Variants in SLBP observed in about 807,000 individuals in gnomAD.
SLBP encodes stem-loop histone mRNA binding protein, also known as histone RNA hairpin-binding protein.
A neutral mutation model predicts 39.2 loss-of-function variants in SLBP; 29 were observed. The observed-to-expected ratio is 0.74, with a 90% CI of 0.55 to 1.01. SLBP has a LOEUF of 1.01. Ranked by LOEUF, SLBP falls within the 50% of genes least tolerant of loss-of-function variation. The pLI is 0.00. For synonymous variants in SLBP, 129 were observed against 118.7 expected (o/e 1.09, Z -0.57); for missense variants, 390 against 350.2 (o/e 1.11, Z -0.91).
Position 1,712,304 on chromosome 4 carries a change from G to A in SLBP, c.-116C>T, listed in dbSNP as rs1048233986. 1.3e-5 allele frequency: 8 copies of A among 600,506 alleles called. No individual in the cohort carries two copies. Among genetic ancestry groups the A allele is most frequent in the African/African-American group, 6.0e-5 (3 of 50,184 alleles). The allele number at this position is 600,506 out of a possible 1,614,324, so 37.2% of individuals were successfully genotyped here. A position where few individuals can be genotyped will look rare whatever the true frequency, so the allele number is the denominator to read the frequency against. ...AGGCAGAAACCCGCGTCCCCGCGCCGGCGCTCACGAGCTCTGCGCGCCCCG... is the reference window on the plus strand; with the variant it reads ...AGGCAGAAACCCGCGTCCCCGCGCCAGCGCTCACGAGCTCTGCGCGCCCCG... On this transcript the variant is annotated 5_prime_UTR_variant, in exon 1 of 8. Coordinates refer to ENST00000489418, the MANE Select transcript of SLBP (RefSeq NM_006527.4).
intron 2 of SLBP, among the ~76,000 whole-genome samples, chr4:1,709,141 G>A (rs1447699822): frequency 4.0e-5 from 6 of 150,980 alleles, no homozygotes; most frequent in South Asian, 2.1e-4. Context: ...TCGGCTCACC[G>A]CAACCTCCAC....
At chr4:1,699,804 C>G in intron 4 of SLBP, 103 bp from the exon 5 acceptor site, 7 of 1,138,432 alleles carry the variant, frequency 6.1e-6, no homozygotes, top group African/African-American at 1.6e-5. Context: ...AAGATTCACT[C>G]CAGATTCCCA....
At chr4:1,711,043 C>T (rs994559340) in intron 2 of SLBP, among the ~76,000 whole-genome samples, 2 of 136,706 alleles carry the variant, frequency 1.5e-5, no homozygotes, top group East Asian at 2.2e-4. Context: ...AGAGTGAGAC[C>T]CTGTCTTTAA....
At chr4:1,695,669 T>C (rs1338162861) in intron 6 of SLBP, among the ~76,000 whole-genome samples, 1 of 151,702 alleles carries the variant, frequency 6.6e-6, no homozygotes, top group Non-Finnish European at 1.5e-5. Flanking sequence ...TAATCCCAGC[T>C]ACTCAGGAGG....
chr4:1,698,173 A>G (rs539093004), intron 5 of SLBP, among the ~76,000 whole-genome samples: 27 of 151,896 alleles, frequency 1.8e-4, no homozygotes, highest in Non-Finnish European at 3.7e-4. Context: ...CAGCCTGGCC[A>G]ATATGGTAAA....
At chr4:1,711,205 C>A (rs1417096465) in intron 2 of SLBP, among the ~76,000 whole-genome samples, 1 of 151,744 alleles carries the variant, frequency 6.6e-6, no homozygotes, top group Non-Finnish European at 1.5e-5. Flanking sequence ...GCAAGTCTCA[C>A]AGGTCCTGCC....
intron 4 of SLBP, 148 bp downstream of exon 4, chr4:1,699,863 T>C: frequency 2.5e-6 from 2 of 786,770 alleles, no homozygotes; most frequent in African/African-American, 3.5e-5. Context: ...GGGAATTTAG[T>C]ACACAACAGA....
chr4:1,696,878 C>T (rs1281045943), intron 5 of SLBP, among the ~76,000 whole-genome samples: 1 of 147,960 alleles, frequency 6.8e-6, no homozygotes, highest in East Asian at 2.0e-4. Flanking sequence ...GCATGGGCAA[C>T]ACAGCGAGAC....
intron 2 of SLBP, among the ~76,000 whole-genome samples, chr4:1,705,152 CCT>C (rs1214563422): frequency 1.3e-5 from 2 of 152,152 alleles, no homozygotes; most frequent in African/African-American, 4.8e-5. Flanking sequence ...GTCTCGAACT[CCT>C]GACCTCAGGT....
rs532021235 is a variant in SLBP at position 1,693,222 on chromosome 4, C to T, written c.*375G>A. 7.9e-5 allele frequency: 14 copies of T among 177,906 alleles called. No homozygotes were observed. The East Asian group carries it at 1.5e-3, about 19-fold the overall frequency. 11.0% of individuals were successfully genotyped at this position (177,906 alleles called of 1,614,324 possible). A position where few individuals can be genotyped will look rare whatever the true frequency, so the allele number is the denominator to read the frequency against. ...AAAAGTAGCTGACTCTCAATTGGTC[C>T]CATGGATTACATGGTTAAATCCAAA... is the stretch of plus-strand genomic sequence containing the variant. On this transcript the variant is annotated 3_prime_UTR_variant, in exon 8 of 8. Transcript: ENST00000489418.
At chr4:1,711,824 G>A (rs1174513547) in intron 2 of SLBP, 50 bp downstream of exon 2, 3 of 1,010,340 alleles carry the variant, frequency 3.0e-6, no homozygotes, top group Non-Finnish European at 1.3e-6. Context: ...TGGAGCCCGC[G>A]GCCTCGTCAA....
chr4:1,702,517 T>C (rs11732213), intron 3 of SLBP, among the ~76,000 whole-genome samples: 24,473 of 152,234 alleles, frequency 0.16, 2,452 homozygotes, highest in Admixed American at 0.25. Flanking sequence ...ACCCTGTTTA[T>C]CAGCCACTTG....
intron 6 of SLBP, among the ~76,000 whole-genome samples, chr4:1,695,418 G>A (rs776058633): frequency 6.6e-6 from 1 of 152,150 alleles, no homozygotes. Flanking sequence ...GGAGGTACAC[G>A]ATCATTCTCT....
intron 5 of SLBP, among the ~76,000 whole-genome samples, chr4:1,697,906 A>G (rs1010763759): frequency 1.3e-5 from 2 of 152,202 alleles, no homozygotes; most frequent in Admixed American, 6.5e-5. Context: ...TGGGAGGACT[A>G]CTTGAGGCCA....
chr4:1,711,830 G>A (rs991735005), intron 2 of SLBP, 44 bp downstream of exon 2: 10 of 1,121,346 alleles, frequency 8.9e-6, no homozygotes, highest in Non-Finnish European at 1.2e-5. Context: ...CCGCGGCCTC[G>A]TCAAGGGCCC....
At chr4:1,700,282 A>G (rs1328031731) in intron 3 of SLBP, among the ~76,000 whole-genome samples, 3 of 152,160 alleles carry the variant, frequency 2.0e-5, no homozygotes, top group Admixed American at 6.6e-5. Context: ...GCCTTAAAAA[A>G]AGAAAAACAA....
At chr4:1,700,296 A>G (rs1716276751) in intron 3 of SLBP, among the ~76,000 whole-genome samples, 1 of 152,148 alleles carries the variant, frequency 6.6e-6, no homozygotes, top group Admixed American at 6.5e-5. Flanking sequence ...AAAACAAAAC[A>G]TAAATTGAAA....
rs1224829280 is a variant in SLBP, at chr4:1,692,860, T to C, written c.*737A>G. 2 of 152,584 alleles carry C rather than the reference T, an allele frequency of 1.3e-5. No homozygotes were observed. Among genetic ancestry groups the C allele is most frequent in the Admixed American group, 6.6e-5 (1 of 15,264 alleles). 9.5% of individuals were successfully genotyped at this position (152,584 alleles called of 1,614,324 possible). A position where few individuals can be genotyped will look rare whatever the true frequency, so the allele number is the denominator to read the frequency against. ...TACAAAAGCAATAGAAACGTAACAG[T>C]CTTAACAAGAAGTTTACAATTGAAT... On this transcript the variant is annotated 3_prime_UTR_variant, in exon 8 of 8. Transcript: ENST00000489418.
chr4:1,693,755 C>A, intron 7 of SLBP, 42 bp from the exon 8 acceptor site: 1 of 1,350,918 alleles, frequency 7.4e-7, no homozygotes, highest in South Asian at 1.2e-5. Flanking sequence ...TCATCTCACC[C>A]TGAAAACAGG....
Sources: allele counts gnomAD v4.1 joint callset (sites outside exome capture counted in the v4.1 genomes callset), GRCh38; gene constraint gnomAD v4.1.1; transcripts MANE v1.5; gene names NCBI Gene and HGNC (gene_info 2026-07-23, HGNC 2026-07-21).